The following ASB12 variants were observed in gnomAD, a reference collection of about 807,000 sequenced individuals.
ASB12 encodes ankyrin repeat and SOCS box protein 12.
A neutral mutation model predicts 13.7 loss-of-function variants in ASB12; 17 were observed. The ratio of observed to expected loss-of-function variants is 1.24; its 90% confidence interval spans 0.85 to 1.86. The LOEUF is 1.86. Ranked by LOEUF, ASB12 falls within the 40% of genes most tolerant of loss-of-function variation. The pLI, the probability that ASB12 is intolerant of heterozygous loss-of-function variation, is 0.00. For missense variants in ASB12, 329 were observed against 250.5 expected, an observed-to-expected ratio of 1.31 and a Z score of -2.11; for synonymous variants, 107 against 99.8, an observed-to-expected ratio of 1.07 and a Z score of -0.43.
rs139928365 is a variant in ASB12 at position 64,224,365 on chromosome X, C to T, written c.927G>A (p.Met309Ile). 131 of 1,209,151 alleles carry T rather than the reference C, an allele frequency of 1.1e-4. No homozygotes were observed. In the African/African-American group the frequency reaches 2.1e-3, roughly 19 times the overall value. ...GTTGGTGTTTTAGGTAGCTAATCAACATGGGAGGAATATCCAGCTGGTTGA... is the reference window on the plus strand; with the variant it reads ...GTTGGTGTTTTAGGTAGCTAATCAATATGGGAGGAATATCCAGCTGGTTGA... ...QAINQLDIPP[M>I]LISYLKHQL The change falls in exon 3 of 3, where the codon ATG becomes ATA. Residue 309 changes from methionine (M) to isoleucine (I), a missense_variant. Coordinates refer to ENST00000362002, the MANE Select transcript of ASB12 (RefSeq NM_130388.4).
intron 1 of ASB12, among the ~76,000 whole-genome samples, chrX:64,227,694 G>C (rs1930974580): frequency 1.8e-5 from 2 of 111,658 alleles, no homozygotes; most frequent in Admixed American, 9.5e-5. Context: ...TTTAGCTCCA[G>C]GCATGTATCC....
At position 64,224,995 on chromosome X, in the gene ASB12, C is replaced by A; in HGVS notation, c.656G>T (p.Arg219Leu). 1 of 1,204,978 alleles carries A rather than the reference C, an allele frequency of 8.3e-7. No individual in the cohort carries two copies. Among genetic ancestry groups the A allele is most frequent in the Non-Finnish European group, 1.1e-6 (1 of 893,171 alleles). ...AAGGAGGGTGCGGGGTCTTGGGACA[C>A]GAGCCAATAGGCCCTGGTCAGTGCA... The part of the protein sequence containing the change: ...YNCTDQGLLA[R>L]VPRPRTLLEI... Residue 219 changes from arginine (R) to leucine (L), a missense_variant, in exon 2 of 3, where the codon CGT (arginine) becomes CTT (leucine). By Grantham distance (102) the Arg-to-Leu change is moderately radical. Coordinates refer to ENST00000362002, the MANE Select transcript of ASB12 (RefSeq NM_130388.4).
At chrX:64,226,134 G>A (rs1040442374) in intron 1 of ASB12, among the ~76,000 whole-genome samples, 6 of 112,678 alleles carry the variant, frequency 5.3e-5, no homozygotes, top group African/African-American at 1.9e-4. Context: ...AGTTCAGAAT[G>A]TGTGGATTAG....
At chrX:64,226,599 G>A in intron 1 of ASB12, 1 of 450,943 alleles carries the variant, frequency 2.2e-6, no homozygotes, top group Non-Finnish European at 2.8e-6. Context: ...TTTCCATCCT[G>A]TCTGACCCAG....
rs747834118 is a variant in ASB12 at position 64,225,327 on chromosome X, C to T, written c.324G>A (p.Thr108=). 18 of 1,207,037 alleles carry T rather than the reference C, an allele frequency of 1.5e-5. No individual in the cohort carries two copies. The highest frequency in any genetic ancestry group is 1.5e-4 in the East Asian group (5 of 33,652). ...CATGACTGACAGCAGTGAAAAGTGG[C>T]GTCTGTGCCTTGACATCCAAGCTGT... ...DVDSLDVKAQ[T]PLFTAVSHGH... The change falls in exon 2 of 3, where the codon ACG becomes ACA. Residue 108 remains threonine, a synonymous_variant. Transcript: ENST00000362002.
chrX:64,228,910 C>T (rs1931001332), intron 1 of ASB12, among the ~76,000 whole-genome samples: 1 of 111,347 alleles, frequency 9.0e-6, no homozygotes, highest in African/African-American at 3.3e-5. Context: ...GTAATATTAT[C>T]CCCATTTTTT....
intron 1 of ASB12, among the ~76,000 whole-genome samples, chrX:64,229,356 G>A (rs1931011902): frequency 8.9e-6 from 1 of 111,853 alleles, no homozygotes; most frequent in South Asian, 3.8e-4. Flanking sequence ...ATGCTCTCCA[G>A]CTGGCTGTGG....
chrX:64,224,986 C>T lies in ASB12; in HGVS notation c.665G>A (p.Arg222Lys). The change falls in exon 2 of 3, where the codon AGA becomes AAA. Residue 222 changes from arginine (R) to lysine (K), a missense_variant. Physicochemically the swap from Arg to Lys is conservative, Grantham distance 26 (BLOSUM62 2). Transcript: ENST00000362002. ...TDQGLLARVPRPRTLLEICLH... is the reference protein window; with the variant it reads ...TDQGLLARVPKPRTLLEICLH... ...GCAGATTTCAAGGAGGGTGCGGGGT[C>T]TTGGGACACGAGCCAATAGGCCCTG... 1 of 1,211,070 alleles carries T rather than the reference C, an allele frequency of 8.3e-7. No homozygotes were observed. The highest frequency in any genetic ancestry group is 1.1e-6 in the Non-Finnish European group (1 of 895,171).
chrX:64,229,691 T>C (rs530168619), intron 1 of ASB12, among the ~76,000 whole-genome samples: 1 of 112,251 alleles, frequency 8.9e-6, no homozygotes, highest in African/African-American at 3.2e-5. Flanking sequence ...AGATGTTCTT[T>C]AGTAACACAT....
Position 64,225,452 on chromosome X carries a change from T to C in ASB12, c.199A>G (p.Arg67Gly). 8.3e-7 allele frequency: 1 copy of C among 1,211,197 alleles called. No individual in the cohort carries two copies. Among genetic ancestry groups the C allele is most frequent in the Non-Finnish European group, 1.1e-6 (1 of 895,271 alleles). The change falls in exon 2 of 3, where the codon AGG becomes GGG. Residue 67 changes from arginine to glycine, a missense_variant. By Grantham distance (125) the Arg-to-Gly change is moderately radical. Coordinates refer to ENST00000362002, the MANE Select transcript of ASB12 (RefSeq NM_130388.4). ...QERYKRFINS[R>G]SGWGVPGTPL... ...GTCCCAGGAACACCCCAGCCACTCCTGCTGTTGATGAAACGTTTGTAACGC... is the reference window on the plus strand; with the variant it reads ...GTCCCAGGAACACCCCAGCCACTCCCGCTGTTGATGAAACGTTTGTAACGC...
At position 64,224,863 on chromosome X, in the gene ASB12, T is replaced by C. The variant is rs778652946; in HGVS notation, c.788A>G (p.Asp263Gly). The change falls in exon 2 of 3, where the codon GAT becomes GGT. Residue 263 changes from aspartate to glycine, a missense_variant. By Grantham distance (94) the Asp-to-Gly change is moderately conservative. Coordinates refer to ENST00000362002, the MANE Select transcript of ASB12 (RefSeq NM_130388.4). ...TAGCAGCAATGCAATGCCTTTATCA[T>C]CTTGTGAGGTCAGGTCAAGGGAGAG... ...PSLSLDLTSQ[D>G]DKGIALLLQA... The C allele has an allele frequency of 1.5e-5, 18 of 1,195,866 alleles. No homozygotes were observed. Among genetic ancestry groups the C allele is most frequent in the Non-Finnish European group, 1.9e-5 (17 of 886,226 alleles).
intron 1 of ASB12, 37 bp from the exon 2 acceptor site, chrX:64,225,711 C>G (rs1930936743): frequency 8.8e-7 from 1 of 1,136,629 alleles, no homozygotes; most frequent in Non-Finnish European, 1.2e-6. Context: ...AATGAGGGTA[C>G]CCATCAAAAG....
intron 1 of ASB12, chrX:64,226,665 A>G: frequency 1.4e-6 from 1 of 728,434 alleles, no homozygotes; most frequent in Non-Finnish European, 1.6e-6. Flanking sequence ...CTCACCCTAC[A>G]AAACCACTCA....
intron 1 of ASB12, among the ~76,000 whole-genome samples, chrX:64,227,737 G>A (rs1930975128): frequency 8.9e-6 from 1 of 112,088 alleles, no homozygotes. Flanking sequence ...AAAGACAGCA[G>A]TATCACATCA....
intron 1 of ASB12, among the ~76,000 whole-genome samples, chrX:64,228,422 T>A (rs1176387852): frequency 8.9e-6 from 1 of 112,248 alleles, no homozygotes; most frequent in East Asian, 2.8e-4. Context: ...TATGTGGTAG[T>A]GGCAAAACAT....
Position 64,224,426 on chromosome X carries a change from C to A in ASB12, c.866G>T (p.Arg289Leu). Residue 289 changes from arginine to leucine, a missense_variant, in exon 3 of 3, where the codon CGC becomes CTC. By Grantham distance (102) the Arg-to-Leu change is moderately radical. Coordinates refer to ENST00000362002, the MANE Select transcript of ASB12 (RefSeq NM_130388.4). ...SLLSQVRLVVRRALCQAGQPQ... is the reference protein window; with the variant it reads ...SLLSQVRLVVLRALCQAGQPQ... ...CTGGCCAGCCTGGCACAAGGCTCTG[C>A]GGACGACTAAACGGACCTGTGATAG... 6 of 1,209,918 alleles carry A rather than the reference C, an allele frequency of 5.0e-6. No homozygotes were observed. Among genetic ancestry groups the A allele is most frequent in the Non-Finnish European group, 6.7e-6 (6 of 894,293 alleles).
chrX:64,229,117 TG>T (rs1931007126), intron 1 of ASB12, among the ~76,000 whole-genome samples: 1 of 111,902 alleles, frequency 8.9e-6, no homozygotes, highest in Admixed American at 9.5e-5. Context: ...CTTCAGCTTT[TG>T]AGTGTCATGC....
In ASB12 at chrX:64,225,226, G is replaced by A. The variant is rs1476120499; in HGVS notation, c.425C>T (p.Pro142Leu). The A allele has an allele frequency of 6.6e-6, 8 of 1,209,689 alleles. No homozygotes were observed. Among genetic ancestry groups the A allele is most frequent in the Non-Finnish European group, 7.8e-6 (7 of 895,164 alleles). ...ACCATCACGGGCAGCTGTGAGCACGGGAGAACAGTTGTTGTAGATGCTACC... is the reference window on the plus strand; with the variant it reads ...ACCATCACGGGCAGCTGTGAGCACGAGAGAACAGTTGTTGTAGATGCTACC... ...PGGSIYNNCS[P>L]VLTAARDGAV... is the part of the protein sequence containing the mutation. The change falls in exon 2 of 3, where the codon CCC (proline) becomes CTC (leucine). Residue 142 changes from proline (P) to leucine (L), a missense_variant. Coordinates refer to ENST00000362002, the MANE Select transcript of ASB12 (RefSeq NM_130388.4).
rs1298039447 is a variant in ASB12, at chrX:64,224,848, G to T, written c.803C>A (p.Ala268Glu). 8.4e-7 allele frequency: 1 copy of T among 1,189,419 alleles called. No individual in the cohort carries two copies. Among genetic ancestry groups the T allele is most frequent in the Non-Finnish European group, 1.1e-6 (1 of 882,326 alleles). ...DLTSQDDKGIALLLQARATPR... is the reference protein window; with the variant it reads ...DLTSQDDKGIELLLQARATPR... Reference sequence around the variant, plus strand: ...CTCACCTCGGGCCTGTAGCAGCAATGCAATGCCTTTATCATCTTGTGAGGT... The same window carrying T: ...CTCACCTCGGGCCTGTAGCAGCAATTCAATGCCTTTATCATCTTGTGAGGT... The change falls in exon 2 of 3, where the codon GCA (alanine) becomes GAA (glutamate). Residue 268 changes from alanine to glutamate, a missense_variant. Physicochemically the swap from Ala to Glu is moderately radical, Grantham distance 107. Transcript: ENST00000362002.
Sources: gnomAD v4.1 joint callset for allele counts (sites outside exome capture counted in the v4.1 genomes callset) on GRCh38, gnomAD v4.1.1 for gene constraint, MANE v1.5 for transcripts, NCBI Gene and HGNC (gene_info 2026-07-23, HGNC 2026-07-21) for gene names.